The following MCF2L variants were observed in gnomAD, a reference collection of about 807,000 sequenced individuals.
The protein encoded by MCF2L is MCF.2 cell line derived transforming sequence like.
Under a neutral mutation model 153.4 loss-of-function variants are expected in MCF2L, and 97 were observed. The observed-to-expected ratio is 0.63, with a 90% CI of 0.54 to 0.75. The LOEUF is 0.75. Ranked by LOEUF, MCF2L falls within the 30% of genes least tolerant of loss-of-function variation. MCF2L has a pLI of 0.00. For missense variants in MCF2L, 1,347 were observed against 1,495.2 expected (o/e 0.90, Z 1.64); for synonymous variants, 659 against 632.2 (o/e 1.04, Z -0.64).
At chr13:113,080,372 G>A (rs1302499729) in intron 15 of MCF2L, among the ~76,000 whole-genome samples, 3 of 152,124 alleles carry the variant, frequency 2.0e-5, no homozygotes, top group Non-Finnish European at 4.4e-5. Flanking sequence ...CAGAAGGAGT[G>A]GCCCTCGGCT....
rs1184452527 is a variant in MCF2L, at chr13:113,091,141, A to G, written c.2953+1413A>G. ...TGCAGCTTCTCCTACCAGTCCTGACAAAAAAGCCAAGCGGCATGAAGTAAA... is the reference window on the plus strand; with the variant it reads ...TGCAGCTTCTCCTACCAGTCCTGACGAAAAAGCCAAGCGGCATGAAGTAAA... On this transcript the variant is annotated intron_variant, in intron 26 of 29. Transcript: ENST00000535094. 3 of 1,300,932 alleles carry G rather than the reference A, an allele frequency of 2.3e-6. No homozygotes were observed. The East Asian group carries it at 1.7e-4, about 72-fold the overall frequency. The allele number at this position is 1,300,932 out of a possible 1,614,324, so 80.6% of individuals were successfully genotyped here.
rs1249171346 is a variant in MCF2L at position 113,099,354 on chromosome 13, AGATCATT to A, written c.*2498_*2504del. ...ACAAAATATTTGCAAAACAATGGGA[AGATCATT>A]GAAACACTGTTTGGCAATTTAAAAG... On this transcript the variant is annotated 3_prime_UTR_variant, in exon 30 of 30. Transcript: ENST00000535094. The A allele has an allele frequency of 2.0e-5, 3 of 152,236 alleles. No homozygotes were observed. Among genetic ancestry groups the A allele is most frequent in the Non-Finnish European group, 2.9e-5 (2 of 68,040 alleles). The allele number at this position is 152,236 out of a possible 1,614,324, so 9.4% of individuals were successfully genotyped here.
At chr13:113,009,486 A>G (rs1443279883) in intron 1 of MCF2L, 2 of 152,376 alleles carry the variant, frequency 1.3e-5, no homozygotes, top group East Asian at 3.9e-4. Flanking sequence ...ATGCAAAATC[A>G]AACAGATCCT....
chr13:112,934,983 C>A (rs1431746552), intron 2 of MCF2L, among the ~76,000 whole-genome samples: 1 of 152,194 alleles, frequency 6.6e-6, no homozygotes, highest in African/African-American at 2.4e-5. Context: ...GTGATAAGAT[C>A]ACATTACAAG....
At chr13:112,930,389 G>A (rs2081449500) in intron 2 of MCF2L, among the ~76,000 whole-genome samples, 1 of 152,200 alleles carries the variant, frequency 6.6e-6, no homozygotes, top group Admixed American at 6.5e-5. Flanking sequence ...GTCATGAAGA[G>A]ACATAGAGGA....
chr13:113,033,544 C>T (rs1222031554), intron 3 of MCF2L, among the ~76,000 whole-genome samples: 1 of 152,148 alleles, frequency 6.6e-6, no homozygotes, highest in Non-Finnish European at 1.5e-5. Context: ...GTTGGGGTCA[C>T]TGCTGTAAAG....
upstream of MCF2L, chr13:112,964,981 G>C (rs758834191): frequency 3.3e-5 from 5 of 152,190 alleles, no homozygotes; most frequent in Non-Finnish European, 7.3e-5. Context: ...AGATGACAGA[G>C]TCCAGGTCAG....
chr13:113,030,865 C>A (rs568763054), intron 3 of MCF2L, among the ~76,000 whole-genome samples: 8 of 152,126 alleles, frequency 5.3e-5, no homozygotes, highest in Non-Finnish European at 7.4e-5. Context: ...GACGGTCAGA[C>A]CTGTGTGTCC....
At chr13:112,902,184 A>G (rs1411535427) in intron 1 of MCF2L, 14 of 1,609,770 alleles carry the variant, frequency 8.7e-6, no homozygotes, top group Non-Finnish European at 1.2e-5. Flanking sequence ...TGCTTTTAAA[A>G]TCTTTTTTCT....
chr13:112,969,163 C>G (rs2081956095), upstream of MCF2L: 1 of 512,794 alleles, frequency 2.0e-6, no homozygotes, highest in African/African-American at 2.1e-5. The surrounding 1 kb of genome is among the most constrained non-coding windows in gnomAD (Gnocchi z 4.8). Context: ...CCGCTTCCGC[C>G]GAGCCGCCCC....
intron 2 of MCF2L, among the ~76,000 whole-genome samples, chr13:112,954,389 A>T (rs1345150343): frequency 6.6e-6 from 1 of 151,674 alleles, no homozygotes; most frequent in Non-Finnish European, 1.5e-5. Flanking sequence ...AGGAGGCAGC[A>T]CCCCCGGCTT....
intron 2 of MCF2L, among the ~76,000 whole-genome samples, chr13:112,911,032 C>G (rs1298812352): frequency 6.6e-6 from 1 of 152,190 alleles, no homozygotes; most frequent in Admixed American, 6.5e-5. Context: ...GTGGGGCTGA[C>G]TCTCTCGCCC....
intron 2 of MCF2L, among the ~76,000 whole-genome samples, chr13:113,023,058 G>A (rs1428876162): frequency 2.0e-5 from 3 of 152,224 alleles, no homozygotes; most frequent in South Asian, 2.1e-4. Context: ...CCCTGCAGCC[G>A]CCTTCCCCTT....
Position 113,046,322 on chromosome 13 carries a change from C to T in MCF2L, c.369+961C>T, listed in dbSNP as rs1377297246. On this transcript the variant is annotated intron_variant, in intron 4 of 29. Coordinates refer to ENST00000535094, the MANE Select transcript of MCF2L (RefSeq NM_001112732.3). The surrounding 1 kb of genome is among the most constrained non-coding windows in gnomAD (Gnocchi z 4.4). ...GGGTCCAGGCACCTGCATGTTCTCACGCCCGCCACAGCCCGTCCCTCCCAG... is the reference window on the plus strand; with the variant it reads ...GGGTCCAGGCACCTGCATGTTCTCATGCCCGCCACAGCCCGTCCCTCCCAG... 9.8e-6 allele frequency: 3 copies of T among 307,226 alleles called. No individual in the cohort carries two copies. The highest frequency in any genetic ancestry group is 1.9e-5 in the Non-Finnish European group (3 of 157,474). 19.0% of individuals were successfully genotyped at this position (307,226 alleles called of 1,614,324 possible). A position where few individuals can be genotyped will look rare whatever the true frequency, so the allele number is the denominator to read the frequency against.
chr13:112,999,942 CACCGGAGGGCCCCAGAGTGGAGGCAGG>C (rs2083291221), intron 1 of MCF2L, among the ~76,000 whole-genome samples: 2 of 95,354 alleles, frequency 2.1e-5, no homozygotes, highest in Non-Finnish European at 5.2e-5. Context: ...GGAATGAAGA[CACCGGAGGGCCCCAGAGTGGAGGCAGG>C]GCTGAGGCAC....
At chr13:113,043,845 G>A (rs2086646875) in intron 3 of MCF2L, 2 of 152,248 alleles carry the variant, frequency 1.3e-5, no homozygotes, top group South Asian at 2.1e-4. Context: ...CCACAGGCAT[G>A]CGCCACCACA....
In MCF2L at chr13:113,096,388, G is replaced by T. The variant is rs758716883; in HGVS notation, c.3093G>T (p.Thr1031=). 32 of 1,584,200 alleles carry T rather than the reference G, an allele frequency of 2.0e-5. No individual in the cohort carries two copies. The highest frequency in any genetic ancestry group is 2.7e-5 in the Non-Finnish European group (31 of 1,166,306). Residue 1031 remains threonine (T), a synonymous_variant, in exon 28 of 30, where the codon ACG becomes ACT. Transcript: ENST00000535094. ...CCCACCAGGTTCCAGGTAAATACAC[G>T]GTCGTGGCGGACCACGAGAAGGGAG... ...GPKKLVPGKY[T]VVADHEKGGP...
intron 2 of MCF2L, among the ~76,000 whole-genome samples, chr13:112,935,321 G>A (rs1303840366): frequency 6.6e-6 from 1 of 152,084 alleles, no homozygotes; most frequent in Admixed American, 6.6e-5. Flanking sequence ...GCGGTGGCAC[G>A]ATCTCAGCTC....
In MCF2L at chr13:112,904,712, G is replaced by A. The variant is rs2081154701; in HGVS notation, c.169+2341G>A. ...CCTTCTGGCTGTCCTTGCCTCGTCTGCTCTGTGGAAAGAGAAGCGCACGGC... is the reference window on the plus strand; with the variant it reads ...CCTTCTGGCTGTCCTTGCCTCGTCTACTCTGTGGAAAGAGAAGCGCACGGC... On this transcript the variant is annotated intron_variant, in intron 2 of 29. Coordinates refer to the MCF2L transcript ENST00000375608. The surrounding 1 kb of genome is among the most constrained non-coding windows in gnomAD (Gnocchi z 4.2). Among the ~76,000 whole-genome samples the A allele has an allele frequency of 6.6e-6, 1 of 152,230 alleles. No individual in the cohort carries two copies.
Sources: allele counts gnomAD v4.1 joint callset (sites outside exome capture counted in the v4.1 genomes callset), GRCh38; gene constraint gnomAD v4.1.1; non-coding constraint Gnocchi (gnomAD v3.1); transcripts MANE v1.5; gene names NCBI Gene and HGNC (gene_info 2026-07-23, HGNC 2026-07-21).